Variants in DOCK5 observed in about 807,000 individuals in gnomAD.
The protein encoded by DOCK5 is dedicator of cytokinesis protein 5.
In DOCK5, 142 loss-of-function variants were observed where a neutral mutation model predicts 251.8. The observed-to-expected ratio is 0.56, with a 90% CI of 0.49 to 0.65. DOCK5 has a LOEUF of 0.65. Among genes scored for constraint, DOCK5 ranks in the 30% least tolerant of loss-of-function variants. The pLI, the probability that DOCK5 is intolerant of heterozygous loss-of-function variation, is 0.00. For missense variants in DOCK5, 2,111 were observed against 2,312.3 expected (o/e 0.91, Z 1.79); for synonymous variants, 842 against 835.5 (o/e 1.01, Z -0.13).
intron 38 of DOCK5, among the ~76,000 whole-genome samples, chr8:25,379,180 A>G (rs188803149): frequency 3.3e-5 from 5 of 152,304 alleles, no homozygotes; most frequent in Admixed American, 3.3e-4. Context: ...GAGAGCAGAG[A>G]AGCGGTCTGA....
At position 25,211,559 on chromosome 8, in the gene DOCK5, C is replaced by T. The variant is rs145928751; in HGVS notation, c.43+26608C>T. 1.0e-3 allele frequency among the ~76,000 whole-genome samples: 72 copies of T among 71,244 alleles called. 22 individuals are homozygous for T. The highest frequency in any genetic ancestry group is 2.1e-3 in the African/African-American group (66 of 31,426). The allele number at this position is 71,244 out of a possible 152,430, so 46.7% of individuals were successfully genotyped here. On this transcript the variant is annotated intron_variant, in intron 1 of 51. Transcript: ENST00000276440. ...CAGTGGCTCATGCTTGTAATCCCAA[C>T]ACTTTGGGAGGCTGAGGCGGAAGGA...
Position 25,184,980 on chromosome 8 carries a change from C to T in DOCK5, c.43+29C>T, listed in dbSNP as rs1428971087. Reference sequence around the variant, plus strand: ...AGTGCGCGCCCCACCTTGTCCCGGCCCGACCCACGCGGCCAAGTTCGCGGA... The same window carrying T: ...AGTGCGCGCCCCACCTTGTCCCGGCTCGACCCACGCGGCCAAGTTCGCGGA... On this transcript the variant is annotated intron_variant, in intron 1 of 51. Coordinates refer to ENST00000276440, the MANE Select transcript of DOCK5 (RefSeq NM_024940.8). 5 of 1,348,082 alleles carry T rather than the reference C, an allele frequency of 3.7e-6. No homozygotes were observed. The Admixed American group carries it at 1.3e-4, about 35-fold the overall frequency. The allele number at this position is 1,348,082 out of a possible 1,614,324, so 83.5% of individuals were successfully genotyped here.
At chr8:25,301,358 C>A (rs1046658264) in intron 9 of DOCK5, among the ~76,000 whole-genome samples, 1 of 152,034 alleles carries the variant, frequency 6.6e-6, no homozygotes, top group Non-Finnish European at 1.5e-5. Flanking sequence ...GCAGGGTGGA[C>A]GTTATCATTG....
chr8:25,223,167 T>C (rs376394980), intron 1 of DOCK5, among the ~76,000 whole-genome samples: 3 of 152,298 alleles, frequency 2.0e-5, no homozygotes, highest in East Asian at 3.9e-4. Flanking sequence ...AAAAAAAATT[T>C]TTGAAATCTT....
chr8:25,410,922 C>CGA (rs10652253), intron 51 of DOCK5, among the ~76,000 whole-genome samples: 8 of 96,976 alleles, frequency 8.2e-5, no homozygotes, highest in Non-Finnish European at 1.2e-4. Context: ...GATATGGCAG[C>CGA]GAGAGAGAGA....
intron 1 of DOCK5, among the ~76,000 whole-genome samples, chr8:25,194,140 A>G (rs1801657483): frequency 6.6e-6 from 1 of 151,178 alleles, no homozygotes; most frequent in Non-Finnish European, 1.5e-5. Flanking sequence ...AAAAAAAAAA[A>G]AAAATTAGCC....
At position 25,315,748 on chromosome 8, in the gene DOCK5, C is replaced by T. The variant is rs550942455; in HGVS notation, c.1319-1259C>T. Among the ~76,000 whole-genome samples the T allele has an allele frequency of 8.6e-4, 131 of 152,330 alleles. 4 individuals carry two copies. The South Asian group carries it at 0.026, about 31-fold the overall frequency. On this transcript the variant is annotated intron_variant, in intron 13 of 51. Transcript: ENST00000276440. ...GACTTTTGACACATTTTCAGTTTCT[C>T]CATTGACAAAGAGTGTGTCAAGTAA...
chr8:25,393,041 G>A (rs993943466), intron 44 of DOCK5, among the ~76,000 whole-genome samples, 159 bp downstream of exon 44: 2 of 152,142 alleles, frequency 1.3e-5, no homozygotes, highest in South Asian at 2.1e-4. Flanking sequence ...TTATATAATA[G>A]AGCTCCTTTG....
intron 40 of DOCK5, among the ~76,000 whole-genome samples, chr8:25,383,524 C>A (rs1801106649): frequency 1.3e-5 from 2 of 152,186 alleles, no homozygotes; most frequent in South Asian, 4.1e-4. Flanking sequence ...ACAACCTAAA[C>A]TCATGAGGGG....
chr8:25,357,216 G>A (rs1298521908), intron 27 of DOCK5, among the ~76,000 whole-genome samples: 1 of 151,478 alleles, frequency 6.6e-6, no homozygotes, highest in Non-Finnish European at 1.5e-5. Context: ...TAAATTCTGA[G>A]TATTAAACCT....
At chr8:25,296,718 A>G in intron 7 of DOCK5, 70 bp downstream of exon 7, 1 of 1,576,890 alleles carries the variant, frequency 6.3e-7, no homozygotes, top group Non-Finnish European at 8.6e-7. Flanking sequence ...AATGAAAGAA[A>G]GGGAAATCAT....
intron 1 of DOCK5, among the ~76,000 whole-genome samples, chr8:25,196,163 G>A (rs569371928): frequency 3.9e-4 from 59 of 152,362 alleles, no homozygotes; most frequent in Non-Finnish European, 5.3e-4. Flanking sequence ...TTAGATGGAA[G>A]TGATGGGATT....
chr8:25,410,075 G>T (rs1389905319), intron 50 of DOCK5, 24 bp from the exon 51 acceptor site: 1 of 1,595,578 alleles, frequency 6.3e-7, no homozygotes, highest in South Asian at 1.1e-5. Context: ...TCTCTCTGCC[G>T]CCTGCACTTT....
chr8:25,377,251 T>TG (rs1365821722), intron 37 of DOCK5, 54 bp from the exon 38 acceptor site: 3 of 1,554,094 alleles, frequency 1.9e-6, no homozygotes, highest in African/African-American at 2.8e-5. Context: ...TTCTTGATGT[T>TG]GGGGGGCTGA....
intron 13 of DOCK5, among the ~76,000 whole-genome samples, chr8:25,313,792 C>T (rs955312326): frequency 2.0e-5 from 3 of 152,156 alleles, no homozygotes; most frequent in African/African-American, 7.2e-5. Flanking sequence ...TGTATGAGGA[C>T]ACCAGTCATA....
At chr8:25,308,102 G>A (rs902696577) in intron 11 of DOCK5, among the ~76,000 whole-genome samples, 1 of 152,142 alleles carries the variant, frequency 6.6e-6, no homozygotes, top group Non-Finnish European at 1.5e-5. Context: ...TACTGCACCA[G>A]GCCGATGTGC....
chr8:25,258,075 T>C (rs1422707244), intron 2 of DOCK5, among the ~76,000 whole-genome samples: 1 of 152,180 alleles, frequency 6.6e-6, no homozygotes, highest in Non-Finnish European at 1.5e-5. Flanking sequence ...TTGTCCAGGC[T>C]ACAGGAAGTG....
intron 41 of DOCK5, 113 bp downstream of exon 41, chr8:25,389,345 C>T: frequency 7.4e-7 from 1 of 1,352,080 alleles, no homozygotes; most frequent in Non-Finnish European, 1.0e-6. Context: ...ACCATCTTCT[C>T]AAGCATTCTG....
chr8:25,241,347 G>A (rs528654580), intron 1 of DOCK5, among the ~76,000 whole-genome samples: 11 of 152,012 alleles, frequency 7.2e-5, no homozygotes, highest in Admixed American at 4.6e-4. Context: ...GCTTGGTGGC[G>A]GGCACCTGTA....
Sources: allele counts gnomAD v4.1 joint callset (sites outside exome capture counted in the v4.1 genomes callset), GRCh38; gene constraint gnomAD v4.1.1; transcripts MANE v1.5; gene names NCBI Gene and HGNC (gene_info 2026-07-23, HGNC 2026-07-21).